The following ZFHX3 variants were observed in gnomAD, a reference collection of about 807,000 sequenced individuals.
ZFHX3 encodes the protein zinc finger homeobox protein 3.
ZFHX3 carries 42 observed loss-of-function variants against 279.1 expected under a neutral mutation model. That is an observed-to-expected ratio of 0.15 (90% CI 0.12 to 0.19). The LOEUF (loss-of-function observed/expected upper bound fraction) is 0.19. Among genes scored for constraint, ZFHX3 ranks in the 10% least tolerant of loss-of-function variants. ZFHX3 has a pLI of 1.00. For missense variants in ZFHX3, 4,981 were observed against 4,754.0 expected (o/e 1.05, Z -1.40); for synonymous variants, 2,293 against 1,957.8 (o/e 1.17, Z -4.52).
At chr16:73,448,617 G>A (rs891744888) in intron 3 of ZFHX3, among the ~76,000 whole-genome samples, 7 of 151,570 alleles carry the variant, frequency 4.6e-5, no homozygotes, top group South Asian at 2.1e-4. Flanking sequence ...TAGAGACTGC[G>A]ACAGAAAAAA....
chr16:73,414,598 G>A (rs765857575), intron 3 of ZFHX3, among the ~76,000 whole-genome samples: 1 of 152,236 alleles, frequency 6.6e-6, no homozygotes, highest in Non-Finnish European at 1.5e-5. Flanking sequence ...GGAAATGAGA[G>A]GCCAAGATGA....
At chr16:73,021,611 A>T (rs1789015917) in intron 1 of ZFHX3, among the ~76,000 whole-genome samples, 1 of 152,036 alleles carries the variant, frequency 6.6e-6, no homozygotes, top group Admixed American at 6.6e-5. Context: ...TGGGTAGATC[A>T]CCTGAGGTCA....
At chr16:72,962,349 G>A (rs1424944493) in intron 1 of ZFHX3, among the ~76,000 whole-genome samples, 2 of 152,174 alleles carry the variant, frequency 1.3e-5, no homozygotes, top group Admixed American at 6.5e-5. Flanking sequence ...CAAGAGGCTG[G>A]GACTTTTAAA....
intron 1 of ZFHX3, among the ~76,000 whole-genome samples, chr16:72,967,760 CAAAAAAAAAAAA>C (rs1201182514): frequency 2.4e-5 from 2 of 81,634 alleles, no homozygotes; most frequent in Middle Eastern, 6.3e-3. Flanking sequence ...ACTAAAAATA[CAAAAAAAAAAAA>C]AAAAAATTAG....
intron 4 of ZFHX3, among the ~76,000 whole-genome samples, chr16:72,880,590 G>C (rs1022839365): frequency 6.6e-6 from 1 of 152,108 alleles, no homozygotes; most frequent in Non-Finnish European, 1.5e-5. Flanking sequence ...CAATGGAAAC[G>C]GGGGGTGAAA....
chr16:73,417,006 C>A (rs2017601525), intron 3 of ZFHX3, among the ~76,000 whole-genome samples: 1 of 151,984 alleles, frequency 6.6e-6, no homozygotes, highest in African/African-American at 2.4e-5. Flanking sequence ...ACCACCTTAC[C>A]CAAGTGACCA....
intron 4 of ZFHX3, among the ~76,000 whole-genome samples, chr16:73,287,860 G>A (rs1022365269): frequency 1.0e-5 from 1 of 95,846 alleles, no homozygotes; most frequent in Admixed American, 1.0e-4. Flanking sequence ...GTGTGGGTCA[G>A]TGTGTGGATG....
At chr16:73,884,667 C>T (rs921211709) in intron 1 of ZFHX3, among the ~76,000 whole-genome samples, 2 of 152,172 alleles carry the variant, frequency 1.3e-5, no homozygotes, top group African/African-American at 2.4e-5. Context: ...TCGCAAAACA[C>T]AGACATTCCG....
At chr16:73,036,941 T>C (rs1226447884) in intron 1 of ZFHX3, among the ~76,000 whole-genome samples, 2 of 152,206 alleles carry the variant, frequency 1.3e-5, no homozygotes, top group East Asian at 3.9e-4. Context: ...GCAAACTTCC[T>C]ATGCCAATTT....
chr16:73,686,330 G>A (rs1210561064), intron 1 of ZFHX3, among the ~76,000 whole-genome samples: 2 of 152,080 alleles, frequency 1.3e-5, no homozygotes, highest in African/African-American at 2.4e-5. Flanking sequence ...TCCAGACCTC[G>A]TGATCCACCC....
chr16:73,210,956 T>G (rs2011995427), intron 5 of ZFHX3, among the ~76,000 whole-genome samples: 1 of 152,134 alleles, frequency 6.6e-6, no homozygotes, highest in South Asian at 2.1e-4. Context: ...GTAAATTATG[T>G]CTCTACTCAA....
intron 1 of ZFHX3, among the ~76,000 whole-genome samples, chr16:73,795,423 G>A (rs761635217): frequency 2.6e-4 from 39 of 152,306 alleles, no homozygotes; most frequent in Non-Finnish European, 4.6e-4. Context: ...GGTTGCAAAC[G>A]AGAGTCAGTC....
chr16:73,840,054 C>G (rs1961261101), intron 1 of ZFHX3, among the ~76,000 whole-genome samples: 1 of 152,182 alleles, frequency 6.6e-6, no homozygotes, highest in African/African-American at 2.4e-5. Flanking sequence ...CTGGAGTGAA[C>G]AGGGACCTAA....
intron 3 of ZFHX3, among the ~76,000 whole-genome samples, chr16:72,926,495 AC>A (rs1959454014): frequency 6.6e-6 from 1 of 152,210 alleles, no homozygotes; most frequent in African/African-American, 2.4e-5. Context: ...TGTGGAAGTT[AC>A]CAGTCCTTTC....
At chr16:73,842,913 A>C (rs994654331) in intron 1 of ZFHX3, among the ~76,000 whole-genome samples, 1 of 152,166 alleles carries the variant, frequency 6.6e-6, no homozygotes, top group Non-Finnish European at 1.5e-5. Context: ...CCTCTTTTCT[A>C]ACACTTATTT....
intron 1 of ZFHX3, among the ~76,000 whole-genome samples, chr16:72,972,636 C>T (rs1324812834): frequency 6.6e-6 from 1 of 152,150 alleles, no homozygotes; most frequent in East Asian, 1.9e-4. Flanking sequence ...GGTGGGAAGG[C>T]ACTATGTCGC....
chr16:73,008,110 T>G (rs1321954922), intron 1 of ZFHX3, among the ~76,000 whole-genome samples: 2 of 152,244 alleles, frequency 1.3e-5, no homozygotes, highest in African/African-American at 4.8e-5. Context: ...ATCTTACAAT[T>G]CTTTTCTCCA....
At chr16:73,849,793 C>T (rs1446593282) in intron 1 of ZFHX3, among the ~76,000 whole-genome samples, 2 of 152,214 alleles carry the variant, frequency 1.3e-5, no homozygotes, top group East Asian at 1.9e-4. Flanking sequence ...AGTACGATGG[C>T]GTGATCTCAG....
chr16:73,038,853 A>AGTG (rs1965007937), intron 1 of ZFHX3, among the ~76,000 whole-genome samples: 1 of 151,868 alleles, frequency 6.6e-6, no homozygotes, highest in Admixed American at 6.6e-5. Flanking sequence ...GCTGGAGTGC[A>AGTG]GTGGCACAAT....
Sources: allele counts gnomAD v4.1 joint callset (sites outside exome capture counted in the v4.1 genomes callset), GRCh38; gene constraint gnomAD v4.1.1; transcripts MANE v1.5; gene names NCBI Gene and HGNC (gene_info 2026-07-23, HGNC 2026-07-21).